Variants in ART3 observed in about 807,000 individuals in gnomAD.
The protein encoded by ART3 is ecto-ADP-ribosyltransferase 3.
Under a neutral mutation model 48.5 loss-of-function variants are expected in ART3, and 49 were observed. The observed-to-expected ratio is 1.01, with a 90% confidence interval of 0.80 to 1.28. The LOEUF is 1.28. Ranked by LOEUF, ART3 falls within the 50% of genes most tolerant of loss-of-function variation. The pLI is 0.00. For synonymous variants in ART3, 145 were observed against 157.2 expected (o/e 0.92, Z 0.58); for missense variants, 438 against 454.3 (o/e 0.96, Z 0.33).
intron 1 of ART3, among the ~76,000 whole-genome samples, chr4:76,014,534 A>G (rs574221435): frequency 3.9e-5 from 6 of 152,136 alleles, no homozygotes; most frequent in Admixed American, 6.5e-5. Context: ...AGAAAAGTGA[A>G]CAAAGCCTAA....
intron 3 of ART3, among the ~76,000 whole-genome samples, chr4:76,085,825 G>A (rs554316723): frequency 3.9e-5 from 6 of 152,104 alleles, no homozygotes; most frequent in South Asian, 2.1e-4. Flanking sequence ...TAATCCCAGC[G>A]CTTTGGGAGG....
At chr4:76,098,218 T>C (rs1406576908) in intron 4 of ART3, among the ~76,000 whole-genome samples, 1 of 144,674 alleles carries the variant, frequency 6.9e-6, no homozygotes, top group East Asian at 2.1e-4. Context: ...AAAAAAAAAA[T>C]CTTTCTTAGA....
chr4:76,047,446 AC>A (rs757063867), intron 1 of ART3, among the ~76,000 whole-genome samples: 35 of 151,522 alleles, frequency 2.3e-4, no homozygotes, highest in African/African-American at 8.2e-4. Context: ...TAATAAACTT[AC>A]CCCCGAGTGA....
rs773156938 is a variant in ART3 at position 76,082,550 on chromosome 4, T to A, written c.781+15T>A. 3.9e-6 allele frequency: 6 copies of A among 1,539,026 alleles called. No individual in the cohort carries two copies. The highest frequency in any genetic ancestry group is 5.2e-6 in the Non-Finnish European group (6 of 1,144,688). On this transcript the variant is annotated intron_variant, in intron 3 of 11. Transcript: ENST00000355810. ...ATTTCTAGGTGGTAAGTGTCTGCTC[T>A]GTCTGTGCTTGGCTGGGAGGGAAGG...
intron 1 of ART3, among the ~76,000 whole-genome samples, chr4:76,066,937 C>T (rs1578392754): frequency 6.6e-6 from 1 of 152,128 alleles, no homozygotes; most frequent in Non-Finnish European, 1.5e-5. Context: ...GGGGGCCTTC[C>T]CAGGCCCCCA....
At chr4:76,104,112 T>C in intron 9 of ART3, 143 bp downstream of exon 9, 2 of 995,518 alleles carry the variant, frequency 2.0e-6, no homozygotes, top group South Asian at 1.5e-5. Flanking sequence ...AATATTTAGC[T>C]GGGGAAGCGT....
At chr4:76,103,348 C>T (rs1321257476) in intron 8 of ART3, among the ~76,000 whole-genome samples, 2 of 151,692 alleles carry the variant, frequency 1.3e-5, no homozygotes, top group South Asian at 2.1e-4. Context: ...AGCGACTCAG[C>T]GAGACCCTGT....
chr4:76,043,341 A>G (rs565543048), intron 1 of ART3, among the ~76,000 whole-genome samples: 8 of 152,052 alleles, frequency 5.3e-5, no homozygotes, highest in Admixed American at 2.0e-4. Flanking sequence ...ACCGTGGAGC[A>G]GGGGGTGGCA....
rs529692251 is a variant in ART3 at position 76,074,765 on chromosome 4, G to A, written c.-64G>A. On this transcript the variant is annotated 5_prime_UTR_variant, in exon 1 of 12. Transcript: ENST00000355810. ...CTTGCTTACCACAACTGAGAGTGGG[G>A]AGTCAGTTTGAGGCCTAGCATCACT... 1 of 152,278 alleles carries A rather than the reference G, an allele frequency of 6.6e-6. No individual in the cohort carries two copies. Among genetic ancestry groups the A allele is most frequent in the African/African-American group, 2.4e-5 (1 of 41,560 alleles). The allele number at this position is 152,278 out of a possible 1,614,324, so 9.4% of individuals were successfully genotyped here.
At chr4:76,045,811 T>C (rs1002902321) in intron 1 of ART3, among the ~76,000 whole-genome samples, 1 of 151,988 alleles carries the variant, frequency 6.6e-6, no homozygotes, top group Non-Finnish European at 1.5e-5. Flanking sequence ...TGGAGATCCA[T>C]AGTCAGCAAA....
At chr4:76,022,722 C>T (rs200825234) in intron 1 of ART3, 40 of 1,613,654 alleles carry the variant, frequency 2.5e-5, no homozygotes, top group Admixed American at 6.7e-5. Flanking sequence ...AATTGGCTTG[C>T]AGGAATAATT....
chr4:76,067,387 A>G (rs181790411), intron 1 of ART3, among the ~76,000 whole-genome samples: 48 of 152,372 alleles, frequency 3.2e-4, no homozygotes, highest in Non-Finnish European at 5.0e-4. Context: ...GGGTGAAAGG[A>G]CATAGAAATT....
intron 8 of ART3, among the ~76,000 whole-genome samples, chr4:76,102,729 TAAGA>T (rs1560652952): frequency 6.6e-6 from 1 of 151,542 alleles, no homozygotes; most frequent in African/African-American, 2.4e-5. Context: ...CCAGAAATGT[TAAGA>T]ATGAGTAGAG....
At chr4:76,111,992 C>G (rs1266887647) in intron 11 of ART3, 1 of 154,566 alleles carries the variant, frequency 6.5e-6, no homozygotes, top group Non-Finnish European at 1.4e-5. Context: ...GCTGGAATTA[C>G]AGGTGTGAGC....
chr4:76,109,324 G>T (rs1272980402), intron 11 of ART3, among the ~76,000 whole-genome samples: 2 of 151,772 alleles, frequency 1.3e-5, no homozygotes, highest in African/African-American at 4.8e-5. Flanking sequence ...ACAGGGTCAG[G>T]ATCATCAATA....
chr4:76,029,008 G>T (rs1481666998), intron 1 of ART3, among the ~76,000 whole-genome samples: 1 of 152,194 alleles, frequency 6.6e-6, no homozygotes, highest in Non-Finnish European at 1.5e-5. Context: ...TTTGGGGGAA[G>T]TATGGTGCAT....
chr4:76,068,366 A>G (rs930808755), intron 1 of ART3, among the ~76,000 whole-genome samples: 24 of 152,232 alleles, frequency 1.6e-4, no homozygotes, highest in Non-Finnish European at 2.8e-4. Context: ...TTGAGATACA[A>G]TTCACATACA....
chr4:76,097,752 C>A (rs374047567), intron 4 of ART3, 76 bp downstream of exon 4: 3 of 1,138,902 alleles, frequency 2.6e-6, no homozygotes, highest in Non-Finnish European at 3.9e-6. Flanking sequence ...GTCAGAGCTA[C>A]CCCACCACTG....
chr4:76,109,508 AATG>A (rs1279618749), intron 11 of ART3, among the ~76,000 whole-genome samples: 20 of 152,122 alleles, frequency 1.3e-4, no homozygotes, highest in Non-Finnish European at 2.4e-4. Flanking sequence ...AGTCTAAAAT[AATG>A]ATTAAAAGTA....
Sources: gnomAD v4.1 joint callset for allele counts (sites outside exome capture counted in the v4.1 genomes callset) on GRCh38, gnomAD v4.1.1 for gene constraint, MANE v1.5 for transcripts, NCBI Gene and HGNC (gene_info 2026-07-23, HGNC 2026-07-21) for gene names.